Variants in RAF1 observed in about 807,000 individuals in gnomAD.
RAF1 encodes the protein RAF proto-oncogene serine/threonine-protein kinase.
RAF1 carries 27 observed loss-of-function variants against 81.1 expected under a neutral mutation model. The observed-to-expected ratio is 0.33, with a 90% CI of 0.25 to 0.46. The LOEUF (loss-of-function observed/expected upper bound fraction) is 0.46. Among genes scored for constraint, RAF1 ranks in the 20% least tolerant of loss-of-function variants. The pLI is 1.00. For missense variants in RAF1, 598 were observed against 826.0 expected, an observed-to-expected ratio of 0.72 and a Z score of 3.38; for synonymous variants, 298 against 294.0, an observed-to-expected ratio of 1.01 and a Z score of -0.14.
At chr3:12,615,371 C>T (rs566333723) in intron 2 of RAF1, among the ~76,000 whole-genome samples, 11 of 152,292 alleles carry the variant, frequency 7.2e-5, no homozygotes, top group East Asian at 5.8e-4. Flanking sequence ...ATCAGATACG[C>T]GTCCTCTGTC....
At chr3:12,650,221 G>A (rs1438146645) in intron 1 of RAF1, among the ~76,000 whole-genome samples, 1 of 151,454 alleles carries the variant, frequency 6.6e-6, no homozygotes, top group Non-Finnish European at 1.5e-5. Context: ...CTACTCAGGA[G>A]GCTAAGATAG....
intron 1 of RAF1, among the ~76,000 whole-genome samples, chr3:12,645,442 T>C (rs1324295372): frequency 6.6e-6 from 1 of 152,184 alleles, no homozygotes; most frequent in East Asian, 1.9e-4. Context: ...GAAGCAAAAT[T>C]AAAAATTCAG....
At chr3:12,625,804 G>A (rs986759446) in intron 1 of RAF1, among the ~76,000 whole-genome samples, 5 of 152,046 alleles carry the variant, frequency 3.3e-5, no homozygotes, top group Admixed American at 3.3e-4. Context: ...AAGTCCACCT[G>A]GGCAACACAG....
At chr3:12,647,277 CAG>C (rs2060379831) in intron 1 of RAF1, among the ~76,000 whole-genome samples, 1 of 137,726 alleles carries the variant, frequency 7.3e-6, no homozygotes, top group East Asian at 2.2e-4. Context: ...GCCTGGGCGA[CAG>C]AGCGAGACTC....
At position 12,584,281 on chromosome 3, in the gene RAF1, A is replaced by C. The variant is rs1483555735; in HGVS notation, c.*233T>G. Reference sequence around the variant, plus strand: ...AGAAGGCTGGGCCTTGAGCATGGGGAATGTGGGGAGGGAGCAGGACACACC... The same window carrying C: ...AGAAGGCTGGGCCTTGAGCATGGGGCATGTGGGGAGGGAGCAGGACACACC... On this transcript the variant is annotated 3_prime_UTR_variant, in exon 18 of 18. Coordinates refer to ENST00000442415, the MANE Select transcript of RAF1 (RefSeq NM_001354689.3). 5 of 563,472 alleles carry C rather than the reference A, an allele frequency of 8.9e-6. No homozygotes were observed. The highest frequency in any genetic ancestry group is 1.6e-5 in the Non-Finnish European group (5 of 314,344). The allele number at this position is 563,472 out of a possible 1,614,324, so 34.9% of individuals were successfully genotyped here.
At chr3:12,647,500 G>C (rs2060390581) in intron 1 of RAF1, among the ~76,000 whole-genome samples, 1 of 151,148 alleles carries the variant, frequency 6.6e-6, no homozygotes, top group African/African-American at 2.4e-5. Context: ...GGCTGAAGTG[G>C]GAGGATCACC....
intron 1 of RAF1, among the ~76,000 whole-genome samples, chr3:12,660,936 T>C (rs544679099): frequency 1.3e-5 from 2 of 152,280 alleles, no homozygotes; most frequent in South Asian, 4.1e-4. Context: ...ATCGCACCAC[T>C]GCGCTAAAAA....
intron 1 of RAF1, among the ~76,000 whole-genome samples, chr3:12,626,648 T>C (rs1029786565): frequency 2.0e-5 from 3 of 152,160 alleles, no homozygotes; most frequent in South Asian, 2.1e-4. Flanking sequence ...TGATGATACT[T>C]TGGTAACAAA....
At chr3:12,592,552 T>C (rs1217599584) in intron 11 of RAF1, among the ~76,000 whole-genome samples, 1 of 152,072 alleles carries the variant, frequency 6.6e-6, no homozygotes, top group East Asian at 1.9e-4. Context: ...CCCAAGGTCA[T>C]ACAGCCAAAA....
intron 1 of RAF1, among the ~76,000 whole-genome samples, chr3:12,622,813 C>T (rs1295468173): frequency 6.6e-6 from 1 of 152,072 alleles, no homozygotes; most frequent in South Asian, 2.1e-4. Context: ...ATAGAAAAGA[C>T]CTGTCAAAAA....
At chr3:12,656,928 CAG>C (rs1238709129) in intron 1 of RAF1, among the ~76,000 whole-genome samples, 4 of 148,748 alleles carry the variant, frequency 2.7e-5, no homozygotes, top group African/African-American at 7.5e-5. Context: ...ACCCGGGAGA[CAG>C]AGGTTGCAGT....
At chr3:12,633,934 C>CAAAAAAAAAA (rs35322613) in intron 1 of RAF1, among the ~76,000 whole-genome samples, 6 of 95,540 alleles carry the variant, frequency 6.3e-5, no homozygotes, top group African/African-American at 7.4e-5. Flanking sequence ...AAAACTCTCT[C>CAAAAAAAAAA]AAAAAAAAAA....
chr3:12,610,600 G>A (rs894227561), intron 3 of RAF1, among the ~76,000 whole-genome samples: 1 of 152,152 alleles, frequency 6.6e-6, no homozygotes, highest in African/African-American at 2.4e-5. Flanking sequence ...GTTAACGTCT[G>A]CTTCAAAGAT....
chr3:12,612,582 G>T (rs541406913), intron 2 of RAF1, among the ~76,000 whole-genome samples: 1 of 150,546 alleles, frequency 6.6e-6, no homozygotes, highest in Non-Finnish European at 1.5e-5. Flanking sequence ...CCAGGAGGGA[G>T]AGGTTGCAGT....
intron 1 of RAF1, among the ~76,000 whole-genome samples, chr3:12,656,603 T>G (rs1422367970): frequency 6.6e-6 from 1 of 152,148 alleles, no homozygotes; most frequent in African/African-American, 2.4e-5. Context: ...TTTTGAGAAC[T>G]GGAGATATAT....
chr3:12,590,668 C>T, intron 13 of RAF1, 130 bp downstream of exon 12: 1 of 1,108,670 alleles, frequency 9.0e-7, no homozygotes. Flanking sequence ...CCCTCCAGCC[C>T]AGGCCAGAGG....
At chr3:12,591,040 C>G in intron 12 of RAF1, 66 bp from the exon 12 acceptor site, 1 of 1,450,176 alleles carries the variant, frequency 6.9e-7, no homozygotes, top group East Asian at 2.3e-5. Context: ...ACTGTGCTTT[C>G]CCGTGGACAG....
chr3:12,595,981 T>G (rs1162308486), intron 11 of RAF1, among the ~76,000 whole-genome samples: 17 of 151,000 alleles, frequency 1.1e-4, no homozygotes, highest in Admixed American at 1.1e-3. Flanking sequence ...GCTCAAGTGA[T>G]CCTCCTGCCT....
At chr3:12,614,428 G>GTGTA (rs1553615839) in intron 2 of RAF1, among the ~76,000 whole-genome samples, 1,889 of 151,166 alleles carry the variant, frequency 0.012, 33 homozygotes, top group African/African-American at 0.04. Flanking sequence ...GTGTGTGTGT[G>GTGTA]TAAAATCTAT....
Sources: allele counts gnomAD v4.1 joint callset (sites outside exome capture counted in the v4.1 genomes callset), GRCh38; gene constraint gnomAD v4.1.1; transcripts MANE v1.5; gene names NCBI Gene and HGNC (gene_info 2026-07-23, HGNC 2026-07-21).